Variants in PACRG observed in about 807,000 individuals in gnomAD.
PACRG encodes parkin coregulated gene protein.
PACRG carries 29 observed loss-of-function variants against 29.7 expected under a neutral mutation model. The ratio of observed to expected loss-of-function variants is 0.98; its 90% confidence interval spans 0.73 to 1.33. The LOEUF is 1.33. Among genes scored for constraint, PACRG ranks in the 40% most tolerant of loss-of-function variants. The pLI is 0.00. For missense variants in PACRG, 279 were observed against 316.2 expected (o/e 0.88, Z 0.89); for synonymous variants, 116 against 118.7 (o/e 0.98, Z 0.15).
At chr6:163,255,773 C>T (rs1783082232) in intron 4 of PACRG, among the ~76,000 whole-genome samples, 1 of 152,090 alleles carries the variant, frequency 6.6e-6, no homozygotes, top group African/African-American at 2.4e-5. Flanking sequence ...AGTAGTGGGA[C>T]TACAGGCCTG....
chr6:163,199,097 C>A (rs6937505), intron 4 of PACRG, among the ~76,000 whole-genome samples: 62,278 of 152,008 alleles, frequency 0.41, 14,335 homozygotes, highest in African/African-American at 0.62. Context: ...GGCCCTAAGC[C>A]GTTCCCAGCT....
At chr6:162,727,693 G>T, upstream of PACRG, 1 of 1,569,166 alleles carries the variant, frequency 6.4e-7, no homozygotes, top group East Asian at 2.4e-5. Flanking sequence ...TGGCGGCTGC[G>T]GGCCAGGAAC....
At chr6:162,857,058 T>C (rs1791458189) in intron 2 of PACRG, among the ~76,000 whole-genome samples, 1 of 152,214 alleles carries the variant, frequency 6.6e-6, no homozygotes, top group Non-Finnish European at 1.5e-5. Flanking sequence ...CCCTGCTGCT[T>C]TGAGCCTTTT....
chr6:162,787,588 A>G (rs879485989), intron 1 of PACRG, among the ~76,000 whole-genome samples: 10,504 of 79,168 alleles, frequency 0.13, 572 homozygotes, highest in Non-Finnish European at 0.2. Flanking sequence ...GTGTGTATAT[A>G]TATATATATA....
At chr6:163,054,892 C>T (rs1388788713) in intron 2 of PACRG, among the ~76,000 whole-genome samples, 2 of 152,130 alleles carry the variant, frequency 1.3e-5, no homozygotes, top group African/African-American at 4.8e-5. Flanking sequence ...GACCGCCTCC[C>T]CCCTGGCTGT....
intron 4 of PACRG, among the ~76,000 whole-genome samples, chr6:163,282,453 G>C (rs1562357328): frequency 6.6e-6 from 1 of 152,194 alleles, no homozygotes; most frequent in Non-Finnish European, 1.5e-5. Flanking sequence ...GCTTAGGCCT[G>C]TAATCCCAGT....
intron 1 of PACRG, among the ~76,000 whole-genome samples, chr6:162,787,320 CTA>C (rs972998052): frequency 7.3e-5 from 11 of 151,692 alleles, no homozygotes; most frequent in Admixed American, 6.6e-4. Flanking sequence ...GATTAATACC[CTA>C]TGTTTGATTG....
chr6:163,148,092 C>T (rs376125358), intron 4 of PACRG, among the ~76,000 whole-genome samples: 5 of 152,276 alleles, frequency 3.3e-5, no homozygotes, highest in African/African-American at 1.2e-4. Context: ...CACCTGCAGA[C>T]GTGTTAGAAA....
intron 2 of PACRG, among the ~76,000 whole-genome samples, chr6:162,927,886 CTA>C (rs1315025421): frequency 2.6e-5 from 4 of 151,982 alleles, no homozygotes; most frequent in African/African-American, 9.7e-5. Flanking sequence ...TCGTGGTGTA[CTA>C]TCTTTTTCAT....
At chr6:162,924,087 T>C (rs1271208705) in intron 2 of PACRG, among the ~76,000 whole-genome samples, 1 of 152,094 alleles carries the variant, frequency 6.6e-6, no homozygotes, top group East Asian at 1.9e-4. Flanking sequence ...GTAGTTTTCA[T>C]CATAGAGATC....
intron 3 of PACRG, among the ~76,000 whole-genome samples, chr6:163,079,974 T>A (rs149976369): frequency 0.015 from 2,107 of 140,968 alleles, 46 homozygotes; most frequent in African/African-American, 0.052. Flanking sequence ...CTCGGCTCAC[T>A]GCAACCTCTG....
intron 4 of PACRG, among the ~76,000 whole-genome samples, chr6:163,255,504 C>A (rs1199789382): frequency 1.3e-5 from 2 of 152,196 alleles, no homozygotes; most frequent in Non-Finnish European, 2.9e-5. Flanking sequence ...GAGGGTCAAG[C>A]AGGATGGCAG....
At chr6:162,806,211 C>A (rs545015073) in intron 1 of PACRG, among the ~76,000 whole-genome samples, 13 of 151,564 alleles carry the variant, frequency 8.6e-5, no homozygotes, top group African/African-American at 3.2e-4. Flanking sequence ...CGGGTTCAAG[C>A]GATTCTCCTG....
chr6:162,755,210 T>G (rs1479945708), intron 1 of PACRG, among the ~76,000 whole-genome samples: 1 of 152,116 alleles, frequency 6.6e-6, no homozygotes, highest in Non-Finnish European at 1.5e-5. Flanking sequence ...AACTAAGGGT[T>G]TGTCAATTTT....
intron 2 of PACRG, among the ~76,000 whole-genome samples, chr6:162,948,200 T>G (rs1290084009): frequency 6.6e-6 from 1 of 152,086 alleles, no homozygotes; most frequent in African/African-American, 2.4e-5. Flanking sequence ...CACAGACTCA[T>G]AGACCAGTGG....
chr6:162,947,221 A>G (rs1489477295), intron 2 of PACRG, among the ~76,000 whole-genome samples: 1 of 147,274 alleles, frequency 6.8e-6, no homozygotes, highest in East Asian at 2.0e-4. Context: ...GTGTATGTAT[A>G]TCTATATATA....
chr6:162,785,205 A>G lies in PACRG; in HGVS notation c.157-28942A>G, dbSNP rs1784376110. Among the ~76,000 whole-genome samples, 4 of 150,326 alleles carry G rather than the reference A, an allele frequency of 2.7e-5. No homozygotes were observed. In the South Asian group the frequency reaches 8.5e-4, roughly 32 times the overall value. On this transcript the variant is annotated intron_variant, in intron 1 of 4. Coordinates refer to ENST00000366888, the MANE Select transcript of PACRG (RefSeq NM_001080379.2). Reference sequence around the variant, plus strand: ...GAGAGAGAGAGAGAGAGAGAGAGGGAGAGAAAGGCAGGTGCATGAGGGCAA... The same window carrying G: ...GAGAGAGAGAGAGAGAGAGAGAGGGGGAGAAAGGCAGGTGCATGAGGGCAA...
intron 2 of PACRG, among the ~76,000 whole-genome samples, chr6:163,016,478 T>C (rs2498497): frequency 1 from 151,691 of 152,036 alleles, 75,675 homozygotes; most frequent in Middle Eastern, 1. Flanking sequence ...AGGTTCAGCC[T>C]GTTAATTTAG....
At chr6:162,821,019 T>C (rs1454222133) in intron 2 of PACRG, among the ~76,000 whole-genome samples, 3 of 152,230 alleles carry the variant, frequency 2.0e-5, no homozygotes, top group Non-Finnish European at 2.9e-5. Context: ...CATTCTTTTA[T>C]TTGATGTAAA....
Sources: gnomAD v4.1 joint callset for allele counts (sites outside exome capture counted in the v4.1 genomes callset) on GRCh38, gnomAD v4.1.1 for gene constraint, MANE v1.5 for transcripts, NCBI Gene and HGNC (gene_info 2026-07-23, HGNC 2026-07-21) for gene names.